Variants in MED12L observed in about 807,000 individuals in gnomAD.
The protein encoded by MED12L is mediator complex subunit 12L, also known as mediator of RNA polymerase II transcription subunit 12-like protein.
A neutral mutation model predicts 281.3 loss-of-function variants in MED12L; 60 were observed. The observed-to-expected ratio is 0.21, with a 90% CI of 0.17 to 0.26. The LOEUF (loss-of-function observed/expected upper bound fraction) is 0.26. Ranked by LOEUF, MED12L falls within the 10% of genes least tolerant of loss-of-function variation. MED12L has a pLI of 1.00. For missense variants in MED12L, 2,146 were observed against 2,680.9 expected (o/e 0.80, Z 4.41); for synonymous variants, 974 against 987.2 (o/e 0.99, Z 0.25).
intron 27 of MED12L, 135 bp downstream of exon 27, chr3:151,372,901 T>C: frequency 1.6e-6 from 1 of 637,970 alleles, no homozygotes; most frequent in Non-Finnish European, 2.6e-6. Context: ...AATTTTAAGT[T>C]TGCTGAAAAG....
At chr3:151,092,160 T>C (rs1576706278) in intron 2 of MED12L, among the ~76,000 whole-genome samples, 2 of 152,340 alleles carry the variant, frequency 1.3e-5, no homozygotes, top group East Asian at 3.9e-4. Context: ...TCTTTGTGTA[T>C]AGGTTCCTGT....
At chr3:151,296,522 A>G (rs572132999) in intron 16 of MED12L, among the ~76,000 whole-genome samples, 1 of 152,218 alleles carries the variant, frequency 6.6e-6, no homozygotes, top group African/African-American at 2.4e-5. Context: ...CTGGAGGAGT[A>G]CTTACCAGTC....
At chr3:151,156,062 A>G (rs1375142375) in intron 5 of MED12L, 99 bp from the exon 6 acceptor site, 4 of 1,035,828 alleles carry the variant, frequency 3.9e-6, no homozygotes, top group South Asian at 1.7e-5. Flanking sequence ...TGTTTGTTTT[A>G]TCAGTACACC....
At chr3:151,383,310 G>C (rs1349476706) in intron 33 of MED12L, among the ~76,000 whole-genome samples, 9 of 152,190 alleles carry the variant, frequency 5.9e-5, no homozygotes. Flanking sequence ...TGAACTGGTA[G>C]GTGTGCGGGC....
At chr3:151,324,452 GA>G (rs1560028366) in intron 16 of MED12L, among the ~76,000 whole-genome samples, 1 of 152,174 alleles carries the variant, frequency 6.6e-6, no homozygotes, top group Non-Finnish European at 1.5e-5. Flanking sequence ...TATAGCATGG[GA>G]GACTGGAATT....
rs1329788119 is a variant in MED12L, at chr3:151,278,075, A to G, written c.2251-71984A>G. Among the ~76,000 whole-genome samples, 9 of 152,344 alleles carry G rather than the reference A, an allele frequency of 5.9e-5. No homozygotes were observed. In the South Asian group the frequency reaches 1.2e-3, roughly 21 times the overall value. ...TGGAAATCCTAAATCATAAATGATA[A>G]TATTTCAGTATTGGATCCCCATATT... On this transcript the variant is annotated intron_variant, in intron 16 of 44. Transcript: ENST00000687756.
chr3:151,133,604 A>G (rs1169162578), intron 5 of MED12L, among the ~76,000 whole-genome samples: 2 of 142,724 alleles, frequency 1.4e-5, no homozygotes, highest in Non-Finnish European at 3.1e-5. Flanking sequence ...GTGAGACCTG[A>G]AAAAAAAAAA....
intron 39 of MED12L, among the ~76,000 whole-genome samples, chr3:151,396,448 T>C (rs1714982786): frequency 6.6e-6 from 1 of 151,976 alleles, no homozygotes; most frequent in African/African-American, 2.4e-5. Context: ...GCCAACATGG[T>C]GAAACTCTGT....
At chr3:151,213,832 T>G (rs1399585738) in intron 16 of MED12L, 1 of 1,614,036 alleles carries the variant, frequency 6.2e-7, no homozygotes, top group East Asian at 2.2e-5. Flanking sequence ...CCTAACACTC[T>G]GGTTGGTGAG....
In MED12L at chr3:151,378,945, G is replaced by T. The variant is rs932187468; in HGVS notation, c.4478+772G>T. On this transcript the variant is annotated intron_variant, in intron 31 of 44. Transcript: ENST00000687756. ...AATTCTTATAGCAATCATGTGGTAGGTACTCTCATTATCTTCTTTATATCA... is the reference window on the plus strand; with the variant it reads ...AATTCTTATAGCAATCATGTGGTAGTTACTCTCATTATCTTCTTTATATCA... Among the ~76,000 whole-genome samples the T allele has an allele frequency of 4.6e-5, 7 of 152,222 alleles. No homozygotes were observed. The South Asian group carries it at 1.5e-3, about 32-fold the overall frequency.
intron 43 of MED12L, among the ~76,000 whole-genome samples, chr3:151,416,735 T>C (rs1168951451): frequency 6.6e-6 from 1 of 152,230 alleles, no homozygotes; most frequent in Non-Finnish European, 1.5e-5. Flanking sequence ...GATGATTTAC[T>C]ATGTATGTTT....
At chr3:151,235,314 C>A (rs1559914872) in intron 16 of MED12L, among the ~76,000 whole-genome samples, 1 of 152,172 alleles carries the variant, frequency 6.6e-6, no homozygotes, top group East Asian at 1.9e-4. Context: ...GCATGACCAG[C>A]TGAGTTTTGT....
intron 16 of MED12L, chr3:151,294,405 C>CT (rs1559993252): frequency 1.2e-6 from 2 of 1,614,084 alleles, no homozygotes; most frequent in South Asian, 2.2e-5. Context: ...AAAAGCCTGT[C>CT]TAAGTGACTA....
intron 16 of MED12L, among the ~76,000 whole-genome samples, chr3:151,274,433 A>G (rs1741512323): frequency 6.6e-6 from 1 of 152,168 alleles, no homozygotes; most frequent in South Asian, 2.1e-4. Flanking sequence ...TTATAGGCAT[A>G]TTTATAGTGG....
rs145536819 is a variant in MED12L, at chr3:151,188,862, A to G, written c.1753+382A>G. Among the ~76,000 whole-genome samples the G allele has an allele frequency of 5.6e-3, 853 of 152,288 alleles. 9 individuals carry two copies. Among genetic ancestry groups the G allele is most frequent in the African/African-American group, 0.02 (819 of 41,556 alleles). ...GGGGAATCAAGCAACAGTACTCTAT[A>G]GCCAGAGGCATGGTACAAGGAAGTA... On this transcript the variant is annotated intron_variant, in intron 13 of 44. Transcript: ENST00000687756.
rs1357906905 is a variant in MED12L, at chr3:151,318,426, G to GT, written c.2251-31630dup. The stretch of plus-strand genomic sequence containing the variant: ...GAAGGGTTATGCTATGCAGACTTTA[G>GT]TTTGGGAGATTTGTCCTTGTGTTGA... On this transcript the variant is annotated intron_variant, in intron 16 of 44. Coordinates refer to ENST00000687756, the MANE Select transcript of MED12L (RefSeq NM_001393769.1). Among the ~76,000 whole-genome samples, 12 of 151,338 alleles carry GT rather than the reference G, an allele frequency of 7.9e-5. No homozygotes were observed. In the East Asian group the frequency reaches 2.3e-3, roughly 29 times the overall value.
intron 16 of MED12L, chr3:151,316,692 G>A (rs1748297214): frequency 1.3e-5 from 2 of 152,158 alleles, no homozygotes; most frequent in African/African-American, 2.4e-5. Context: ...AGGTCGGCAG[G>A]GAAGTGGATT....
Position 151,434,123 on chromosome 3 carries a change from CTCTG to C in MED12L, c.*1321_*1324del, listed in dbSNP as rs1398898316. Reference sequence around the variant, plus strand: ...TATGTGGGGGATATTTTCCCATGTTCTCTGTTATTTCATTTTCTTTTGCCATATG... The same window carrying C: ...TATGTGGGGGATATTTTCCCATGTTCTTATTTCATTTTCTTTTGCCATATG... On this transcript the variant is annotated 3_prime_UTR_variant, in exon 45 of 45. Coordinates refer to ENST00000687756, the MANE Select transcript of MED12L (RefSeq NM_001393769.1). 6.6e-6 allele frequency: 1 copy of C among 152,166 alleles called. No individual in the cohort carries two copies. Among genetic ancestry groups the C allele is most frequent in the African/African-American group, 2.4e-5 (1 of 41,398 alleles). The allele number at this position is 152,166 out of a possible 1,614,324, so 9.4% of individuals were successfully genotyped here.
chr3:151,161,906 A>G (rs747254398), intron 8 of MED12L, among the ~76,000 whole-genome samples: 8 of 152,182 alleles, frequency 5.3e-5, no homozygotes, highest in Non-Finnish European at 8.8e-5. Context: ...TTAACAATAT[A>G]GTGTTCATTG....
Sources: gnomAD v4.1 joint callset for allele counts (sites outside exome capture counted in the v4.1 genomes callset) on GRCh38, gnomAD v4.1.1 for gene constraint, MANE v1.5 for transcripts, NCBI Gene and HGNC (gene_info 2026-07-23, HGNC 2026-07-21) for gene names.